Variants in ADCY9 observed in about 807,000 individuals in gnomAD.
ADCY9 encodes the protein adenylate cyclase type 9.
A neutral mutation model predicts 101.5 loss-of-function variants in ADCY9; 50 were observed. That is an observed-to-expected ratio of 0.49 (90% CI 0.39 to 0.62). ADCY9 has a LOEUF of 0.62. ADCY9 is among the 20% of genes least tolerant of loss of function. ADCY9 has a pLI of 0.00. For missense variants in ADCY9, 1,662 were observed against 1,800.4 expected (o/e 0.92, Z 1.39); for synonymous variants, 905 against 769.3 (o/e 1.18, Z -2.92).
intron 7 of ADCY9, among the ~76,000 whole-genome samples, chr16:3,979,609 G>A (rs982591927): frequency 2.6e-5 from 4 of 152,238 alleles, no homozygotes; most frequent in African/African-American, 7.2e-5. Flanking sequence ...CCACGTTGCC[G>A]TCACCGGCTC....
intron 3 of ADCY9, among the ~76,000 whole-genome samples, chr16:4,003,284 C>A (rs2056343593): frequency 1.3e-5 from 2 of 152,164 alleles, no homozygotes; most frequent in Non-Finnish European, 2.9e-5. Flanking sequence ...GAAGATGGGA[C>A]CTTCCCCAGA....
At chr16:4,018,201 G>A (rs188229659) in intron 2 of ADCY9, among the ~76,000 whole-genome samples, 8 of 151,602 alleles carry the variant, frequency 5.3e-5, no homozygotes, top group African/African-American at 1.4e-4. Flanking sequence ...TCTAAGTTGC[G>A]GAATATTCTT....
intron 2 of ADCY9, among the ~76,000 whole-genome samples, chr16:4,028,185 A>G (rs1463631279): frequency 6.6e-6 from 1 of 152,242 alleles, no homozygotes; most frequent in East Asian, 1.9e-4. Context: ...TAGCAAGAGA[A>G]AAAAGTCAGT....
downstream of ADCY9, among the ~76,000 whole-genome samples, chr16:3,960,901 G>T (rs138135838): frequency 5.0e-3 from 765 of 152,350 alleles, 5 homozygotes; most frequent in Non-Finnish European, 8.0e-3. Flanking sequence ...TTGCGTGCAA[G>T]TGTGTACTTT....
chr16:4,103,555 C>T (rs772285012), intron 2 of ADCY9, among the ~76,000 whole-genome samples: 1 of 152,160 alleles, frequency 6.6e-6, no homozygotes, highest in African/African-American at 2.4e-5. Flanking sequence ...ATGGGCCGGG[C>T]ATAGTGGCTC....
chr16:4,086,436 G>A (rs923936472), intron 2 of ADCY9, among the ~76,000 whole-genome samples: 1 of 152,012 alleles, frequency 6.6e-6, no homozygotes, highest in Non-Finnish European at 1.5e-5. Flanking sequence ...ACAAGCGCAC[G>A]CTCCGCTCTG....
At chr16:4,049,272 G>C (rs1361325391) in intron 2 of ADCY9, among the ~76,000 whole-genome samples, 1 of 152,180 alleles carries the variant, frequency 6.6e-6, no homozygotes, top group Non-Finnish European at 1.5e-5. Context: ...GGACCAGAGA[G>C]AAGAGGGTCC....
intron 2 of ADCY9, among the ~76,000 whole-genome samples, chr16:4,094,955 T>C (rs72764611): frequency 0.033 from 5,058 of 152,058 alleles, 182 homozygotes; most frequent in South Asian, 0.17. Context: ...CAAAACTTTT[T>C]ATAAATCTTT....
chr16:4,096,628 T>A (rs1338268143), intron 2 of ADCY9, among the ~76,000 whole-genome samples: 1 of 152,200 alleles, frequency 6.6e-6, no homozygotes, highest in African/African-American at 2.4e-5. Context: ...AGTTCCAGAA[T>A]GCGATGCAAT....
intron 2 of ADCY9, among the ~76,000 whole-genome samples, chr16:4,021,168 T>C (rs181006147): frequency 3.9e-4 from 60 of 152,324 alleles, no homozygotes; most frequent in African/African-American, 1.3e-3. Context: ...TTCACACCCA[T>C]TAAAAGCAGC....
At chr16:4,025,628 C>CG (rs1250879948) in intron 2 of ADCY9, among the ~76,000 whole-genome samples, 1 of 152,124 alleles carries the variant, frequency 6.6e-6, no homozygotes, top group African/African-American at 2.4e-5. Flanking sequence ...GGAAATGGCC[C>CG]GGGGGTGTGG....
intron 2 of ADCY9, among the ~76,000 whole-genome samples, chr16:4,075,193 C>T (rs562547398): frequency 2.0e-5 from 3 of 152,160 alleles, no homozygotes; most frequent in Non-Finnish European, 4.4e-5. Flanking sequence ...ATATGGAGTG[C>T]AGTGGCACCA....
At chr16:4,020,546 G>A (rs1039403729) in intron 2 of ADCY9, among the ~76,000 whole-genome samples, 1 of 152,182 alleles carries the variant, frequency 6.6e-6, no homozygotes, top group Non-Finnish European at 1.5e-5. Flanking sequence ...AATAAGCCAG[G>A]CGTGGTGGCT....
intron 6 of ADCY9, among the ~76,000 whole-genome samples, chr16:3,984,572 C>A (rs77320372): frequency 0.014 from 2,203 of 152,272 alleles, 64 homozygotes; most frequent in African/African-American, 0.051. Flanking sequence ...CAGGGGCTAC[C>A]CCTAGGGCAC....
chr16:3,975,254 G>A (rs1290364813), intron 9 of ADCY9, among the ~76,000 whole-genome samples: 1 of 152,098 alleles, frequency 6.6e-6, no homozygotes, highest in Non-Finnish European at 1.5e-5. Context: ...CGTTCTAGAT[G>A]GCCATACCTT....
intron 5 of ADCY9, among the ~76,000 whole-genome samples, chr16:3,989,350 G>A (rs2072340): frequency 0.91 from 137,717 of 151,862 alleles, 62,602 homozygotes; most frequent in Non-Finnish European, 0.94. Context: ...CATGATTATA[G>A]CACACATCAT....
intron 2 of ADCY9, among the ~76,000 whole-genome samples, chr16:4,007,965 G>C (rs1161658538): frequency 6.6e-6 from 1 of 152,042 alleles, no homozygotes; most frequent in Non-Finnish European, 1.5e-5. Context: ...CCTTCCTAAC[G>C]GTCAGTCTAG....
Position 3,965,694 on chromosome 16 carries a change from G to A in ADCY9, c.*81C>T, listed in dbSNP as rs193083415. On this transcript the variant is annotated 3_prime_UTR_variant, in exon 11 of 11. Coordinates refer to ENST00000294016, the MANE Select transcript of ADCY9 (RefSeq NM_001116.4). Reference sequence around the variant, plus strand: ...CACGTCCGGGGAGGGCAACTGTGGCGCTTGGAAAGCACAACAGCCAAATAC... The same window carrying A: ...CACGTCCGGGGAGGGCAACTGTGGCACTTGGAAAGCACAACAGCCAAATAC... The A allele has an allele frequency of 2.0e-5, 27 of 1,365,850 alleles. No homozygotes were observed. Among genetic ancestry groups the A allele is most frequent in the African/African-American group, 7.2e-5 (5 of 69,600 alleles). The allele number at this position is 1,365,850 out of a possible 1,614,324, so 84.6% of individuals were successfully genotyped here.
chr16:4,089,199 C>G (rs992031167), intron 2 of ADCY9, among the ~76,000 whole-genome samples: 1 of 152,098 alleles, frequency 6.6e-6, no homozygotes, highest in South Asian at 2.1e-4. Flanking sequence ...CTCAGCCTCC[C>G]GAGGGGCTGG....
Sources: allele counts gnomAD v4.1 joint callset (sites outside exome capture counted in the v4.1 genomes callset), GRCh38; gene constraint gnomAD v4.1.1; transcripts MANE v1.5; gene names NCBI Gene and HGNC (gene_info 2026-07-23, HGNC 2026-07-21).